The following MCU variants were observed in gnomAD, a reference collection of about 807,000 sequenced individuals.
MCU encodes the protein mitochondrial calcium uniporter.
In MCU, 12 loss-of-function variants were observed where a neutral mutation model predicts 45.2. The ratio of observed to expected loss-of-function variants is 0.27; its 90% CI spans 0.17 to 0.43. MCU has a LOEUF of 0.43. MCU is among the 20% of genes least tolerant of loss of function. MCU has a pLI of 1.00. For synonymous variants in MCU, 160 were observed against 165.1 expected, an observed-to-expected ratio of 0.97 and a Z score of 0.24; for missense variants, 324 against 436.7, an observed-to-expected ratio of 0.74 and a Z score of 2.30.
intron 2 of MCU, 96 bp downstream of exon 2, chr10:72,834,524 C>A: frequency 9.6e-7 from 1 of 1,046,934 alleles, no homozygotes; most frequent in Non-Finnish European, 1.4e-6. Flanking sequence ...AAACCATACT[C>A]TTTCAGTTAA....
At chr10:72,824,370 GTATTTTT>G (rs772095734) in intron 1 of MCU, among the ~76,000 whole-genome samples, 11 of 95,140 alleles carry the variant, frequency 1.2e-4, no homozygotes, top group Non-Finnish European at 2.8e-4. Context: ...CTAATTTTTT[GTATTTTT>G]TTTTTTTTTT....
intron 1 of MCU, chr10:72,692,827 C>A: frequency 7.0e-7 from 1 of 1,425,940 alleles, no homozygotes; most frequent in Non-Finnish European, 9.1e-7. Context: ...CCTCTCTCGT[C>A]CCCGAGGGGT....
At chr10:72,751,961 T>C (rs2132711009) in intron 1 of MCU, among the ~76,000 whole-genome samples, 1 of 151,908 alleles carries the variant, frequency 6.6e-6, no homozygotes, top group South Asian at 2.1e-4. Flanking sequence ...TGCCTCAGCA[T>C]CCCGAGTAGC....
chr10:72,703,890 AAACAACAAC>A (rs143749981), intron 1 of MCU, among the ~76,000 whole-genome samples: 22 of 150,902 alleles, frequency 1.5e-4, no homozygotes, highest in African/African-American at 3.9e-4. Flanking sequence ...CTCTGTCTCA[AAACAACAAC>A]AACAACAACA....
intron 2 of MCU, among the ~76,000 whole-genome samples, chr10:72,843,438 T>A (rs572788181): frequency 6.6e-6 from 1 of 152,330 alleles, no homozygotes; most frequent in Non-Finnish European, 1.5e-5. Flanking sequence ...CATCTTTCAC[T>A]TAGTAAGATA....
chr10:72,839,344 T>A (rs1003386520), intron 2 of MCU, among the ~76,000 whole-genome samples: 13 of 148,400 alleles, frequency 8.8e-5, no homozygotes, highest in East Asian at 2.0e-4. Context: ...GGGTAGCAAA[T>A]TTTTTTTTTT....
intron 1 of MCU, among the ~76,000 whole-genome samples, chr10:72,696,212 A>G (rs1445555824): frequency 6.9e-4 from 87 of 125,342 alleles, no homozygotes; most frequent in Non-Finnish European, 1.2e-3. Context: ...TTTTTGGTAG[A>G]GACAGGGTAT....
intron 1 of MCU, among the ~76,000 whole-genome samples, chr10:72,704,707 T>A (rs972239732): frequency 2.4e-5 from 3 of 125,104 alleles, no homozygotes; most frequent in Admixed American, 1.6e-4. Flanking sequence ...CTGGATAATT[T>A]TTTTTTTTTT....
chr10:72,814,140 T>C (rs952001946), intron 1 of MCU, among the ~76,000 whole-genome samples: 2 of 152,044 alleles, frequency 1.3e-5, no homozygotes, highest in African/African-American at 2.4e-5. Flanking sequence ...AATGGAAGAG[T>C]GCAACAAGGG....
intron 1 of MCU, among the ~76,000 whole-genome samples, chr10:72,697,948 A>AT (rs35739882): frequency 0.46 from 67,362 of 145,550 alleles, 19,060 homozygotes; most frequent in Non-Finnish European, 0.67. Flanking sequence ...CATAAAAAGA[A>AT]TTTTTTTTTT....
chr10:72,803,921 C>T (rs1844379783), intron 1 of MCU, among the ~76,000 whole-genome samples: 1 of 148,302 alleles, frequency 6.7e-6, no homozygotes, highest in South Asian at 2.1e-4. Context: ...CATAAATTTA[C>T]ACTTAGCTCA....
At chr10:72,796,340 G>A (rs534888024) in intron 1 of MCU, among the ~76,000 whole-genome samples, 1 of 152,230 alleles carries the variant, frequency 6.6e-6, no homozygotes, top group East Asian at 1.9e-4. Flanking sequence ...ATGGGAGGCA[G>A]AGTCCAGGAA....
chr10:72,717,127 C>T (rs1339770042), intron 1 of MCU, among the ~76,000 whole-genome samples: 7 of 138,402 alleles, frequency 5.1e-5, no homozygotes, highest in Non-Finnish European at 9.4e-5. Context: ...CTCTCTCTCT[C>T]TTTTTTTTTT....
chr10:72,864,393 G>T (rs1012572842), intron 4 of MCU, among the ~76,000 whole-genome samples: 5 of 152,184 alleles, frequency 3.3e-5, no homozygotes, highest in African/African-American at 1.2e-4. Flanking sequence ...AAGTTGGATT[G>T]CTTGATACGT....
chr10:72,826,728 T>C (rs768033528), intron 1 of MCU, among the ~76,000 whole-genome samples: 36 of 152,214 alleles, frequency 2.4e-4, no homozygotes, highest in Admixed American at 5.9e-4. Flanking sequence ...TCACTTTTTG[T>C]GGTTTTCATT....
chr10:72,884,841 C>CT (rs1233000462), intron 7 of MCU, among the ~76,000 whole-genome samples: 2 of 152,078 alleles, frequency 1.3e-5, no homozygotes, highest in African/African-American at 4.8e-5. Context: ...GATTATTAAA[C>CT]TAGAAGATGC....
intron 1 of MCU, among the ~76,000 whole-genome samples, chr10:72,742,039 A>C (rs911458969): frequency 1.7e-4 from 26 of 150,588 alleles, no homozygotes; most frequent in South Asian, 4.2e-4. Flanking sequence ...AAAAAAAAAA[A>C]AAAAAACAAA....
chr10:72,801,155 G>A (rs985421775), intron 1 of MCU, among the ~76,000 whole-genome samples: 3 of 152,244 alleles, frequency 2.0e-5, no homozygotes, highest in Admixed American at 6.5e-5. Context: ...TCACTAATTT[G>A]TGGGGGTGGG....
intron 2 of MCU, among the ~76,000 whole-genome samples, chr10:72,844,051 A>C (rs2132848123): frequency 6.6e-6 from 1 of 152,262 alleles, no homozygotes; most frequent in South Asian, 2.1e-4. Flanking sequence ...CAGGAGATTG[A>C]GACCAGCCTA....
Sources: gnomAD v4.1 joint callset for allele counts (sites outside exome capture counted in the v4.1 genomes callset) on GRCh38, gnomAD v4.1.1 for gene constraint, MANE v1.5 for transcripts, NCBI Gene and HGNC (gene_info 2026-07-23, HGNC 2026-07-21) for gene names.